Variants in KIRREL3 observed in about 807,000 individuals in gnomAD.
KIRREL3 encodes kirre like nephrin family adhesion molecule 3.
Under a neutral mutation model 89.7 loss-of-function variants are expected in KIRREL3, and 36 were observed. The observed-to-expected ratio is 0.40, with a 90% CI of 0.31 to 0.53. KIRREL3 has a LOEUF of 0.53. Among genes scored for constraint, KIRREL3 ranks in the 20% least tolerant of loss-of-function variants. KIRREL3 has a pLI of 0.49. For missense variants in KIRREL3, 864 were observed against 1,056.6 expected (o/e 0.82, Z 2.53); for synonymous variants, 445 against 441.4 (o/e 1.01, Z -0.10).
chr11:126,685,856 C>T lies in KIRREL3; in HGVS notation c.56-122944G>A, dbSNP rs1383869175. 6.6e-6 allele frequency among the ~76,000 whole-genome samples: 1 copy of T among 152,204 alleles called. No homozygotes were observed. The highest frequency in any genetic ancestry group is 6.5e-5 in the Admixed American group (1 of 15,292). On this transcript the variant is annotated intron_variant, in intron 1 of 16. Transcript: ENST00000525144. The surrounding 1 kb of genome is among the most constrained non-coding windows in gnomAD (Gnocchi z 5.5). ...GGGGCAGATGGCCGACCCACTGGAT[C>T]GGGGCCACTGGAGACTTTTTCCCTC...
chr11:126,453,271 C>A (rs1956243376), intron 7 of KIRREL3, among the ~76,000 whole-genome samples: 1 of 152,080 alleles, frequency 6.6e-6, no homozygotes, highest in African/African-American at 2.4e-5. Context: ...GGGGCCACAT[C>A]CCGCTATCTG....
At chr11:126,456,544 A>T in intron 6 of KIRREL3, 90 bp from the exon 7 acceptor site, 1 of 863,396 alleles carries the variant, frequency 1.2e-6, no homozygotes, top group Non-Finnish European at 1.8e-6. Flanking sequence ...CAGAGACTCC[A>T]CCACCCAGGG....
At position 126,566,470 on chromosome 11, in the gene KIRREL3, G is replaced by T. The variant is rs1246009797; in HGVS notation, c.56-3558C>A. On this transcript the variant is annotated intron_variant, in intron 1 of 16. Coordinates refer to ENST00000525144, the MANE Select transcript of KIRREL3 (RefSeq NM_032531.4). This position sits in a 1 kb window ranked among gnomAD's most constrained non-coding sequence, Gnocchi z 4.9. ...AACAGTCTGCTGACTTAATGAAAGG[G>T]CTGGCTACAAAATATGGGACTGTGA... 6.6e-6 allele frequency among the ~76,000 whole-genome samples: 1 copy of T among 152,176 alleles called. No individual in the cohort carries two copies. Among genetic ancestry groups the T allele is most frequent in the African/African-American group, 2.4e-5 (1 of 41,444 alleles).
rs1472971778 is a variant in KIRREL3 at position 126,485,991 on chromosome 11, T to G, written c.434-12525A>C. On this transcript the variant is annotated intron_variant, in intron 4 of 16. Coordinates refer to ENST00000525144, the MANE Select transcript of KIRREL3 (RefSeq NM_032531.4). The surrounding 1 kb of genome is among the most constrained non-coding windows in gnomAD (Gnocchi z 5.8). ...CAGTGGCTTGGTTCGCTCCTTAAAT[T>G]AGGAAGGGTGAATGTCCTGTTTATA... Among the ~76,000 whole-genome samples the G allele has an allele frequency of 2.6e-5, 4 of 152,230 alleles. No homozygotes were observed. Among genetic ancestry groups the G allele is most frequent in the Non-Finnish European group, 5.9e-5 (4 of 68,028 alleles).
At chr11:126,536,386 C>A (rs1937878967) in intron 2 of KIRREL3, among the ~76,000 whole-genome samples, 1 of 152,118 alleles carries the variant, frequency 6.6e-6, no homozygotes, top group Non-Finnish European at 1.5e-5. Context: ...AACTGCCAAC[C>A]CTAAATCTTC....
chr11:126,475,263 G>A lies in KIRREL3; in HGVS notation c.434-1797C>T, dbSNP rs138846105. ...GCTCCGGGCCCGTCCTGACTCCACT[G>A]GCTCAGCCTTCCAGCCTCAGCCTGC... On this transcript the variant is annotated intron_variant, in intron 4 of 16. Coordinates refer to ENST00000525144, the MANE Select transcript of KIRREL3 (RefSeq NM_032531.4). This position sits in a 1 kb window ranked among gnomAD's most constrained non-coding sequence, Gnocchi z 7.5. 2.4e-3 allele frequency among the ~76,000 whole-genome samples: 371 copies of A among 152,244 alleles called. 5 individuals carry two copies. Among genetic ancestry groups the A allele is most frequent in the African/African-American group, 8.6e-3 (359 of 41,558 alleles).
At position 126,520,914 on chromosome 11, in the gene KIRREL3, G is replaced by C. The variant is rs1958565613; in HGVS notation, c.433+401C>G. 6.6e-6 allele frequency among the ~76,000 whole-genome samples: 1 copy of C among 152,160 alleles called. No individual in the cohort carries two copies. The highest frequency in any genetic ancestry group is 1.5e-5 in the Non-Finnish European group (1 of 68,016). ...AAGGTGGAAAGATAGGGCTTTGTTAGCACCGGAGTGGGGGTCAGTTCAGAA... is the reference window on the plus strand; with the variant it reads ...AAGGTGGAAAGATAGGGCTTTGTTACCACCGGAGTGGGGGTCAGTTCAGAA... On this transcript the variant is annotated intron_variant, in intron 4 of 16. Coordinates refer to ENST00000525144, the MANE Select transcript of KIRREL3 (RefSeq NM_032531.4). This position sits in a 1 kb window ranked among gnomAD's most constrained non-coding sequence, Gnocchi z 4.9.
rs909489112 is a variant in KIRREL3 at position 126,568,825 on chromosome 11, C to T, written c.56-5913G>A. Reference sequence around the variant, plus strand: ...AATAGAAACAAAATACCAAATTCTACCCCCCTCGTTTTTTTCTTTTTCAGA... The same window carrying T: ...AATAGAAACAAAATACCAAATTCTATCCCCCTCGTTTTTTTCTTTTTCAGA... On this transcript the variant is annotated intron_variant, in intron 1 of 16. Coordinates refer to ENST00000525144, the MANE Select transcript of KIRREL3 (RefSeq NM_032531.4). This position sits in a 1 kb window ranked among gnomAD's most constrained non-coding sequence, Gnocchi z 4.6. 3.9e-5 allele frequency among the ~76,000 whole-genome samples: 6 copies of T among 152,118 alleles called. No homozygotes were observed. The highest frequency in any genetic ancestry group is 8.8e-5 in the Non-Finnish European group (6 of 68,036).
intron 1 of KIRREL3, among the ~76,000 whole-genome samples, chr11:126,671,120 TA>T (rs1250436329): frequency 6.6e-6 from 1 of 152,060 alleles, no homozygotes; most frequent in African/African-American, 2.4e-5. Context: ...ACATCCTTCA[TA>T]AAAAATTGCT....
intron 1 of KIRREL3, among the ~76,000 whole-genome samples, chr11:126,693,424 CACAAACAA>C (rs112884108): frequency 2.0e-5 from 3 of 151,952 alleles, no homozygotes; most frequent in Non-Finnish European, 2.9e-5. Context: ...CTGTCTCAAA[CACAAACAA>C]ACAAACAAAC....
chr11:126,833,645 G>T (rs192242186), intron 1 of KIRREL3, among the ~76,000 whole-genome samples: 1 of 152,314 alleles, frequency 6.6e-6, no homozygotes, highest in Admixed American at 6.5e-5. Context: ...TATGTACAAT[G>T]AATGTATGGC....
chr11:126,913,578 G>A (rs1022856188), intron 1 of KIRREL3, among the ~76,000 whole-genome samples: 2 of 152,224 alleles, frequency 1.3e-5, no homozygotes, highest in Non-Finnish European at 2.9e-5. Context: ...AGAGGAAGGA[G>A]CTAAGACAAA....
intron 1 of KIRREL3, among the ~76,000 whole-genome samples, chr11:126,863,080 G>A (rs1319405903): frequency 2.0e-5 from 3 of 152,260 alleles, no homozygotes; most frequent in African/African-American, 4.8e-5. Context: ...CTGTCTGAAA[G>A]GCTGTCAGCA....
Position 126,744,491 on chromosome 11 carries a change from G to T in KIRREL3, c.56-181579C>A, listed in dbSNP as rs1006993242. Among the ~76,000 whole-genome samples the T allele has an allele frequency of 6.6e-6, 1 of 152,196 alleles. No homozygotes were observed. The highest frequency in any genetic ancestry group is 1.5e-5 in the Non-Finnish European group (1 of 68,036). ...CGCAGGTGCGAAATGTATCTTGATG[G>T]AAGCAGCACCAAGTTCTGGAGACTG... On this transcript the variant is annotated intron_variant, in intron 1 of 16. Transcript: ENST00000525144. The surrounding 1 kb of genome is among the most constrained non-coding windows in gnomAD (Gnocchi z 4.7).
intron 1 of KIRREL3, among the ~76,000 whole-genome samples, chr11:126,798,089 C>T (rs1950869921): frequency 6.6e-6 from 1 of 152,086 alleles, no homozygotes; most frequent in Non-Finnish European, 1.5e-5. Context: ...CCCACCACAG[C>T]CAGGTGGAGA....
At chr11:126,859,590 C>T (rs766997653) in intron 1 of KIRREL3, among the ~76,000 whole-genome samples, 158 of 152,230 alleles carry the variant, frequency 1.0e-3, no homozygotes, top group Middle Eastern at 3.4e-3. Context: ...ATGAGAGAAG[C>T]CACACACATA....
intron 1 of KIRREL3, among the ~76,000 whole-genome samples, chr11:126,824,904 A>C (rs1943353031): frequency 6.6e-6 from 1 of 152,180 alleles, no homozygotes; most frequent in East Asian, 1.9e-4. Flanking sequence ...TTTTAGGGTA[A>C]AGATCTTGAG....
chr11:126,588,745 C>T (rs747240767), intron 1 of KIRREL3, among the ~76,000 whole-genome samples: 79 of 152,190 alleles, frequency 5.2e-4, no homozygotes, highest in Non-Finnish European at 9.3e-4. Context: ...GCTGTTTAAT[C>T]CCCTGATAAA....
chr11:126,679,675 T>C (rs182690693), intron 1 of KIRREL3, among the ~76,000 whole-genome samples: 117 of 152,328 alleles, frequency 7.7e-4, no homozygotes, highest in African/African-American at 2.7e-3. Context: ...GTTGGCATAA[T>C]AGTACTCAGT....
Sources: allele counts gnomAD v4.1 joint callset (sites outside exome capture counted in the v4.1 genomes callset), GRCh38; gene constraint gnomAD v4.1.1; non-coding constraint Gnocchi (gnomAD v3.1); transcripts MANE v1.5; gene names NCBI Gene and HGNC (gene_info 2026-07-23, HGNC 2026-07-21).